STIMATE: variants seen among roughly 807,000 people sequenced by gnomAD.
STIMATE encodes store-operated calcium entry regulator STIMATE.
In STIMATE, 15 loss-of-function variants were observed where a neutral mutation model predicts 36.7. That is an observed-to-expected ratio of 0.41 (90% CI 0.27 to 0.63). The LOEUF (loss-of-function observed/expected upper bound fraction) is 0.63. Ranked by LOEUF, STIMATE falls within the 20% of genes least tolerant of loss-of-function variation. The pLI, the probability that STIMATE is intolerant of heterozygous loss-of-function variation, is 0.32. For synonymous variants in STIMATE, 163 were observed against 162.3 expected (o/e 1.00, Z -0.03); for missense variants, 305 against 397.3 (o/e 0.77, Z 1.98).
intron 3 of STIMATE, among the ~76,000 whole-genome samples, chr3:52,850,227 T>C (rs556034763): frequency 5.0e-4 from 76 of 152,220 alleles, no homozygotes; most frequent in African/African-American, 1.4e-3. Flanking sequence ...GGTCAGGAGA[T>C]AGACACCACC....
intron 1 of STIMATE, among the ~76,000 whole-genome samples, chr3:52,885,785 T>C (rs1019187514): frequency 7.9e-5 from 12 of 152,244 alleles, no homozygotes; most frequent in Non-Finnish European, 1.6e-4. Context: ...GGGTTCCTCC[T>C]TGCTGCTCTG....
chr3:52,878,487 C>A (rs1330804526), intron 1 of STIMATE, among the ~76,000 whole-genome samples: 2 of 151,932 alleles, frequency 1.3e-5, no homozygotes, highest in African/African-American at 4.8e-5. Context: ...ACCCTGTGGT[C>A]CCGGCTGTAC....
At chr3:52,897,051 G>T (rs961628597) in intron 1 of STIMATE, among the ~76,000 whole-genome samples, 5 of 152,152 alleles carry the variant, frequency 3.3e-5, no homozygotes, top group African/African-American at 1.2e-4. Context: ...GTTTTAGACT[G>T]GCGTCTCAAA....
In STIMATE at chr3:52,839,516, A is replaced by G. The variant is rs1700760108; in HGVS notation, c.*978T>C. ...GCTCCTTTCTTGGTCAAATTTAACT[A>G]AGATCTCTAATCTGCCAGCAGGAAT... On this transcript the variant is annotated 3_prime_UTR_variant, in exon 8 of 8. Coordinates refer to ENST00000355083, the MANE Select transcript of STIMATE (RefSeq NM_198563.5). The G allele has an allele frequency of 6.6e-6, 1 of 152,186 alleles. No homozygotes were observed. Among genetic ancestry groups the G allele is most frequent in the South Asian group, 2.1e-4 (1 of 4,826 alleles). 9.4% of individuals were successfully genotyped at this position (152,186 alleles called of 1,614,324 possible).
chr3:52,852,573 G>A, intron 3 of STIMATE, 30 bp downstream of exon 3: 1 of 1,611,378 alleles, frequency 6.2e-7, no homozygotes, highest in Non-Finnish European at 8.5e-7. Context: ...AGGGGCAGCT[G>A]ATGTTTGCAC....
intron 1 of STIMATE, among the ~76,000 whole-genome samples, chr3:52,866,407 C>T (rs769309954): frequency 1.2e-4 from 18 of 152,352 alleles, no homozygotes; most frequent in Middle Eastern, 3.4e-3. Context: ...CAGTCCCACC[C>T]CATCTCACCT....
intron 1 of STIMATE, among the ~76,000 whole-genome samples, chr3:52,892,209 A>C (rs1701793852): frequency 6.6e-6 from 1 of 152,238 alleles, no homozygotes; most frequent in African/African-American, 2.4e-5. Context: ...TGGCCAACAG[A>C]GGTATTCAAA....
intron 2 of STIMATE, among the ~76,000 whole-genome samples, chr3:52,853,419 C>A (rs1283736776): frequency 6.6e-6 from 1 of 152,202 alleles, no homozygotes; most frequent in Non-Finnish European, 1.5e-5. Flanking sequence ...ACAGCGTGTG[C>A]CTTCAGTATG....
chr3:52,890,039 T>A (rs1701756756), intron 1 of STIMATE, among the ~76,000 whole-genome samples: 1 of 152,148 alleles, frequency 6.6e-6, no homozygotes, highest in South Asian at 2.1e-4. Flanking sequence ...ACCCCCTCCA[T>A]GTCGAGAGCC....
Position 52,897,333 on chromosome 3 carries a change from G to A in STIMATE, c.118C>T (p.Leu40=), listed in dbSNP as rs755987806. The change falls in exon 1 of 8, where the codon CTG becomes TTG. Residue 40 remains leucine (L), a synonymous_variant. Transcript: ENST00000355083. ...GCCACGACGCCGAGCAGCCCCTGCA[G>A]GAAGATGCCGAAGCTGTGCATGAGC... ...GALMHSFGIF[L]QGLLGVVAFS... is the part of the protein sequence containing the mutation. 4 of 1,550,230 alleles carry A rather than the reference G, an allele frequency of 2.6e-6. No individual in the cohort carries two copies. Among genetic ancestry groups the A allele is most frequent in the South Asian group, 2.4e-5 (2 of 85,068 alleles).
At chr3:52,866,224 T>C (rs916786697) in intron 1 of STIMATE, among the ~76,000 whole-genome samples, 3 of 152,230 alleles carry the variant, frequency 2.0e-5, no homozygotes, top group African/African-American at 7.2e-5. Context: ...CGAGTACCCA[T>C]TCCCACATTC....
At chr3:52,892,147 T>A (rs897956980) in intron 1 of STIMATE, among the ~76,000 whole-genome samples, 1 of 152,126 alleles carries the variant, frequency 6.6e-6, no homozygotes, top group Non-Finnish European at 1.5e-5. Flanking sequence ...CAAAAGACTT[T>A]AAACAGATAT....
At chr3:52,886,530 G>A (rs1192641627) in intron 1 of STIMATE, among the ~76,000 whole-genome samples, 1 of 152,194 alleles carries the variant, frequency 6.6e-6, no homozygotes, top group East Asian at 1.9e-4. Flanking sequence ...GACTTGACAC[G>A]TAATGAGTAC....
intron 2 of STIMATE, among the ~76,000 whole-genome samples, chr3:52,854,071 T>C (rs2106671700): frequency 6.7e-6 from 1 of 149,376 alleles, no homozygotes; most frequent in East Asian, 2.0e-4. Context: ...TATATCAAAG[T>C]CTATTTAAGA....
rs763390491 is a variant in STIMATE, at chr3:52,840,537, T to C, written c.842A>G (p.Lys281Arg). ...EEDLRRLTPL[K>R]PVKKKKHRFG... The stretch of plus-strand genomic sequence containing the variant: ...GCGGTGCTTCTTTTTCTTCACAGGC[T>C]TGAGGGGGGTCAGTCTGCGGAGGTC... The change falls in exon 8 of 8, where the codon AAG (lysine) becomes AGG (arginine). Residue 281 changes from lysine to arginine, a missense_variant. This residue lies in a region of STIMATE where 84 missense variants were observed against 82.4 expected (regional missense o/e 1.02). Transcript: ENST00000355083. The C allele has an allele frequency of 3.1e-6, 5 of 1,614,046 alleles. No homozygotes were observed. The South Asian group carries it at 5.5e-5, about 18-fold the overall frequency.
chr3:52,864,637 A>C (rs1430636358), intron 1 of STIMATE, among the ~76,000 whole-genome samples: 2 of 152,202 alleles, frequency 1.3e-5, no homozygotes, highest in Non-Finnish European at 2.9e-5. Context: ...CAAATTTTCC[A>C]AACTTTGATT....
chr3:52,896,691 A>G (rs2106744007), intron 1 of STIMATE, among the ~76,000 whole-genome samples: 2 of 152,254 alleles, frequency 1.3e-5, no homozygotes, highest in South Asian at 4.1e-4. Context: ...GGATCTGGGG[A>G]AGAAGGCAGA....
intron 4 of STIMATE, among the ~76,000 whole-genome samples, chr3:52,849,512 C>T (rs758206657): frequency 3.3e-5 from 5 of 152,186 alleles, no homozygotes; most frequent in Non-Finnish European, 5.9e-5. Flanking sequence ...CTGGTGTCTT[C>T]CATTAGAAGG....
chr3:52,852,756 G>A, intron 2 of STIMATE, 58 bp from the exon 3 acceptor site: 1 of 1,593,576 alleles, frequency 6.3e-7, no homozygotes, highest in Non-Finnish European at 8.6e-7. Flanking sequence ...TATCCAATTT[G>A]AGGAAAACGA....
Sources: gnomAD v4.1 joint callset for allele counts (sites outside exome capture counted in the v4.1 genomes callset) on GRCh38, gnomAD v4.1.1 for gene constraint, gnomAD v4.1.1 regional missense constraint, MANE v1.5 for transcripts, NCBI Gene and HGNC (gene_info 2026-07-23, HGNC 2026-07-21) for gene names.